FAM135B: variants seen among roughly 807,000 people sequenced by gnomAD.
FAM135B encodes family with sequence similarity 135 member B.
Under a neutral mutation model 127.7 loss-of-function variants are expected in FAM135B, and 43 were observed. The observed-to-expected ratio is 0.34, with a 90% confidence interval of 0.26 to 0.43. The LOEUF (loss-of-function observed/expected upper bound fraction) is 0.43. Among genes scored for constraint, FAM135B ranks in the 20% least tolerant of loss-of-function variants. The pLI, the probability that FAM135B is intolerant of heterozygous loss-of-function variation, is 1.00. For synonymous variants in FAM135B, 670 were observed against 665.1 expected (o/e 1.01, Z -0.11); for missense variants, 1,558 against 1,725.6 (o/e 0.90, Z 1.72).
intron 1 of FAM135B, among the ~76,000 whole-genome samples, chr8:138,467,919 C>T (rs1438422791): frequency 5.9e-5 from 9 of 152,120 alleles, no homozygotes; most frequent in Non-Finnish European, 8.8e-5. Context: ...CTGAAAAATG[C>T]CTTATTCCTA....
At chr8:138,494,929 C>A (rs1815336302) in intron 1 of FAM135B, among the ~76,000 whole-genome samples, 1 of 152,048 alleles carries the variant, frequency 6.6e-6, no homozygotes, top group African/African-American at 2.4e-5. Context: ...AGCACTTGAC[C>A]TTCAGCACTT....
At chr8:138,234,918 T>G (rs1404232328) in intron 7 of FAM135B, among the ~76,000 whole-genome samples, 1 of 152,244 alleles carries the variant, frequency 6.6e-6, no homozygotes, top group African/African-American at 2.4e-5. Flanking sequence ...TTATGACTTT[T>G]GTGGGCCCCA....
At chr8:138,453,616 TACAG>T (rs1836615256) in intron 1 of FAM135B, among the ~76,000 whole-genome samples, 1 of 152,104 alleles carries the variant, frequency 6.6e-6, no homozygotes, top group Non-Finnish European at 1.5e-5. Context: ...GGGTACCACA[TACAG>T]TTAAGGGTCA....
At chr8:138,366,775 A>T (rs1307054938) in intron 2 of FAM135B, among the ~76,000 whole-genome samples, 4 of 152,214 alleles carry the variant, frequency 2.6e-5, no homozygotes, top group Non-Finnish European at 1.5e-5. Context: ...ATTGAGTCTT[A>T]GTCTTCTATC....
intron 7 of FAM135B, among the ~76,000 whole-genome samples, chr8:138,206,011 A>G (rs1203315165): frequency 6.7e-6 from 1 of 149,216 alleles, no homozygotes; most frequent in East Asian, 2.0e-4. Flanking sequence ...CGACCTATGC[A>G]AGACTCCAGC....
intron 5 of FAM135B, 64 bp from the exon 6 acceptor site, chr8:138,251,078 T>C (rs1247660124): frequency 2.4e-5 from 38 of 1,588,620 alleles, no homozygotes; most frequent in Non-Finnish European, 3.0e-5. Context: ...CCTCCTAGCA[T>C]GTCTGTATTA....
At chr8:138,472,627 G>C (rs1286849996) in intron 1 of FAM135B, among the ~76,000 whole-genome samples, 1 of 152,130 alleles carries the variant, frequency 6.6e-6, no homozygotes, top group African/African-American at 2.4e-5. Context: ...AGAAAAAGTG[G>C]AAGATAAAGA....
intron 3 of FAM135B, among the ~76,000 whole-genome samples, chr8:138,282,549 A>C (rs1824343980): frequency 6.6e-6 from 1 of 152,252 alleles, no homozygotes; most frequent in South Asian, 2.1e-4. Flanking sequence ...CCAAGAAGAT[A>C]CAGGAATGGC....
chr8:138,236,365 A>G (rs1015879664), intron 7 of FAM135B, among the ~76,000 whole-genome samples: 39 of 151,548 alleles, frequency 2.6e-4, no homozygotes, highest in African/African-American at 9.2e-4. Context: ...TTAAATGTCC[A>G]TCAATGAATA....
intron 1 of FAM135B, among the ~76,000 whole-genome samples, chr8:138,396,591 A>G (rs1306379833): frequency 6.6e-6 from 1 of 152,216 alleles, no homozygotes; most frequent in Non-Finnish European, 1.5e-5. Context: ...AATTGTGTGT[A>G]TAACAACAAT....
At chr8:138,255,126 C>T (rs1196611042) in intron 5 of FAM135B, among the ~76,000 whole-genome samples, 2 of 148,774 alleles carry the variant, frequency 1.3e-5, no homozygotes, top group Admixed American at 1.4e-4. Flanking sequence ...AACTCCTGGG[C>T]TCAAGCAATC....
chr8:138,290,765 G>A (rs144425771), intron 3 of FAM135B, among the ~76,000 whole-genome samples: 12 of 152,128 alleles, frequency 7.9e-5, no homozygotes, highest in African/African-American at 2.4e-4. Context: ...AGCAAAAGTG[G>A]GAGGAAGATG....
rs144443775 is a variant in FAM135B, at chr8:138,157,804, T to C, written c.1259-4588A>G. Among the ~76,000 whole-genome samples the C allele has an allele frequency of 0.011, 1,709 of 152,114 alleles. 61 individuals carry two copies. In the East Asian group the frequency reaches 0.13, roughly 12 times the overall value. ...CTGCTCAATGAAATAAAAGAGGACA[T>C]AAACAAATGGAAGAACATTCCATGC... On this transcript the variant is annotated intron_variant, in intron 12 of 19. Coordinates refer to ENST00000395297, the MANE Select transcript of FAM135B (RefSeq NM_015912.4).
intron 15 of FAM135B, chr8:138,144,360 G>C (rs1817477332): frequency 6.6e-6 from 1 of 152,250 alleles, no homozygotes; most frequent in Non-Finnish European, 1.5e-5. Flanking sequence ...GCAGTGAGCT[G>C]AGATCGCACC....
intron 1 of FAM135B, among the ~76,000 whole-genome samples, chr8:138,417,978 A>C (rs1834262163): frequency 6.6e-6 from 1 of 152,146 alleles, no homozygotes; most frequent in South Asian, 2.1e-4. Flanking sequence ...CGTCAAATTC[A>C]GAATCTGGAT....
chr8:138,456,879 G>A (rs1836809714), intron 1 of FAM135B, among the ~76,000 whole-genome samples: 4 of 152,014 alleles, frequency 2.6e-5, no homozygotes, highest in South Asian at 2.1e-4. Context: ...CAGAAACCAC[G>A]CTCCTTTCCT....
chr8:138,295,998 G>A (rs977250987), intron 3 of FAM135B, among the ~76,000 whole-genome samples: 12 of 152,114 alleles, frequency 7.9e-5, no homozygotes, highest in Admixed American at 7.2e-4. Context: ...CATGCATCCG[G>A]GATGATTTCA....
At chr8:138,189,756 T>G (rs572108181) in intron 9 of FAM135B, among the ~76,000 whole-genome samples, 1 of 152,184 alleles carries the variant, frequency 6.6e-6, no homozygotes, top group Admixed American at 6.5e-5. Context: ...CTAGCTCCAG[T>G]GCCTACGCTC....
At chr8:138,223,042 A>T (rs573501755) in intron 7 of FAM135B, among the ~76,000 whole-genome samples, 123 of 152,252 alleles carry the variant, frequency 8.1e-4, no homozygotes, top group African/African-American at 3.0e-3. Flanking sequence ...TTAGGTACAC[A>T]GGTGTTAGAG....
Sources: allele counts gnomAD v4.1 joint callset (sites outside exome capture counted in the v4.1 genomes callset), GRCh38; gene constraint gnomAD v4.1.1; transcripts MANE v1.5; gene names NCBI Gene and HGNC (gene_info 2026-07-23, HGNC 2026-07-21).